The following SLC22A23 variants were observed in gnomAD, a reference collection of about 807,000 sequenced individuals.
SLC22A23 encodes ion transporter protein.
Under a neutral mutation model 61.0 loss-of-function variants are expected in SLC22A23, and 26 were observed. The observed-to-expected ratio is 0.43, with a 90% CI of 0.31 to 0.59. The LOEUF (loss-of-function observed/expected upper bound fraction) is 0.59, where lower values mean the gene tolerates loss of function less well. Ranked by LOEUF, SLC22A23 falls within the 20% of genes least tolerant of loss-of-function variation. The pLI is 0.11. For synonymous variants in SLC22A23, 430 were observed against 413.9 expected (o/e 1.04, Z -0.47); for missense variants, 796 against 934.7 (o/e 0.85, Z 1.94).
chr6:3,281,406 G>A (rs1212267647), intron 9 of SLC22A23, among the ~76,000 whole-genome samples: 1 of 152,214 alleles, frequency 6.6e-6, no homozygotes, highest in African/African-American at 2.4e-5. Context: ...ATAGATTTCT[G>A]CAGGCCTTTG....
chr6:3,454,619 C>T lies in SLC22A23; in HGVS notation c.654+1287G>A, dbSNP rs566916505. ...TGAAGGGAAAACAGTCACAGAAACA[C>T]CTTTAGAAAGCAGGGGGTAGGAGGT... On this transcript the variant is annotated intron_variant, in intron 1 of 9. Transcript: ENST00000406686. The surrounding 1 kb of genome is among the most constrained non-coding windows in gnomAD (Gnocchi z 4.3). Among the ~76,000 whole-genome samples, 748 of 152,248 alleles carry T rather than the reference C, an allele frequency of 4.9e-3. 1 individual carries two copies. Among genetic ancestry groups the T allele is most frequent in the Non-Finnish European group, 6.9e-3 (470 of 68,034 alleles).
chr6:3,404,057 TA>T (rs1341744396), intron 3 of SLC22A23, among the ~76,000 whole-genome samples: 1 of 152,218 alleles, frequency 6.6e-6, no homozygotes, highest in Non-Finnish European at 1.5e-5. Context: ...ACAGACACAC[TA>T]CTGAAATTCC....
At position 3,342,520 on chromosome 6, in the gene SLC22A23, C is replaced by T. The variant is rs1461239777; in HGVS notation, c.914-18518G>A. 1.3e-5 allele frequency among the ~76,000 whole-genome samples: 2 copies of T among 152,140 alleles called. No individual in the cohort carries two copies. Among genetic ancestry groups the T allele is most frequent in the East Asian group, 3.9e-4 (2 of 5,188 alleles). ...AAACAGTGCTTCTCAAAGGTGGGGC[C>T]TCCTTGACCCACAGCATCAGAGTCC... is the stretch of plus-strand genomic sequence containing the variant. On this transcript the variant is annotated intron_variant, in intron 3 of 9. Transcript: ENST00000406686. The surrounding 1 kb of genome is among the most constrained non-coding windows in gnomAD (Gnocchi z 4.0).
rs1005566829 is a variant in SLC22A23 at position 3,328,087 on chromosome 6, A to G, written c.914-4085T>C. Among the ~76,000 whole-genome samples, 1 of 151,892 alleles carries G rather than the reference A, an allele frequency of 6.6e-6. No homozygotes were observed. Among genetic ancestry groups the G allele is most frequent in the Admixed American group, 6.6e-5 (1 of 15,210 alleles). ...GGTGAGATCCTGTCTCTAAAAAACA[A>G]CCAACCAAACAAACAACCGTTACTT... On this transcript the variant is annotated intron_variant, in intron 3 of 9. Coordinates refer to ENST00000406686, the MANE Select transcript of SLC22A23 (RefSeq NM_015482.2). This position sits in a 1 kb window ranked among gnomAD's most constrained non-coding sequence, Gnocchi z 5.0.
At chr6:3,455,809 A>G in intron 1 of SLC22A23, 97 bp downstream of exon 1, 1 of 1,391,646 alleles carries the variant, frequency 7.2e-7, no homozygotes, top group Non-Finnish European at 9.5e-7. Context: ...ACACTCTAGC[A>G]CCACCACTTT....
chr6:3,270,858 G>A lies in SLC22A23; in HGVS notation c.*2197C>T, dbSNP rs972184859. Reference sequence around the variant, plus strand: ...TCCAAAAAAAAAAAAAAGTTTACACGACCAGTGAGACTGCTCGCAACTTTC... The same window carrying A: ...TCCAAAAAAAAAAAAAAGTTTACACAACCAGTGAGACTGCTCGCAACTTTC... On this transcript the variant is annotated 3_prime_UTR_variant, in exon 10 of 10. Coordinates refer to ENST00000406686, the MANE Select transcript of SLC22A23 (RefSeq NM_015482.2). The A allele has an allele frequency of 1.3e-5, 2 of 151,696 alleles. No individual in the cohort carries two copies. The highest frequency in any genetic ancestry group is 1.9e-4 in the East Asian group (1 of 5,298). The allele number at this position is 151,696 out of a possible 1,614,324, so 9.4% of individuals were successfully genotyped here.
chr6:3,339,686 C>A (rs374856619), intron 3 of SLC22A23, among the ~76,000 whole-genome samples: 63 of 152,298 alleles, frequency 4.1e-4, no homozygotes, highest in African/African-American at 1.5e-3. Context: ...CCCAGCAGCG[C>A]CATGACGGTT....
chr6:3,284,059 G>T (rs1759738893), intron 8 of SLC22A23, 84 bp from the exon 9 acceptor site: 1 of 1,393,150 alleles, frequency 7.2e-7, no homozygotes, highest in East Asian at 2.4e-5. Context: ...GCACAGCACA[G>T]CTCCTTCCCA....
rs1426461267 is a variant in SLC22A23, at chr6:3,308,251, C to T, written c.1083-10033G>A. 6.6e-6 allele frequency among the ~76,000 whole-genome samples: 1 copy of T among 152,188 alleles called. No individual in the cohort carries two copies. The highest frequency in any genetic ancestry group is 2.4e-5 in the African/African-American group (1 of 41,432). Reference sequence around the variant, plus strand: ...AAGACGAAAGCCCCCCCATACCGCTCACCCCAATCCCAGTGCCCCTGCACT... The same window carrying T: ...AAGACGAAAGCCCCCCCATACCGCTTACCCCAATCCCAGTGCCCCTGCACT... On this transcript the variant is annotated intron_variant, in intron 4 of 9. Transcript: ENST00000406686. The surrounding 1 kb of genome is among the most constrained non-coding windows in gnomAD (Gnocchi z 5.1).
chr6:3,289,310 G>A (rs1289654349), intron 6 of SLC22A23, among the ~76,000 whole-genome samples: 1 of 152,264 alleles, frequency 6.6e-6, no homozygotes, highest in Non-Finnish European at 1.5e-5. Flanking sequence ...CCTGGCTCAG[G>A]CCCACCTGCC....
Position 3,343,142 on chromosome 6 carries a change from G to A in SLC22A23, c.914-19140C>T, listed in dbSNP as rs146399857. On this transcript the variant is annotated intron_variant, in intron 3 of 9. Transcript: ENST00000406686. ...AAGCTCTGTTTCTAGGTAGATGGGG[G>A]AGTTCCGACAAAGCTGCGTCCTGCA... Among the ~76,000 whole-genome samples, 334 of 152,306 alleles carry A rather than the reference G, an allele frequency of 2.2e-3. 1 individual carries two copies. Among genetic ancestry groups the A allele is most frequent in the Non-Finnish European group, 3.7e-3 (254 of 68,030 alleles).
At chr6:3,332,030 A>G (rs1481454968) in intron 3 of SLC22A23, among the ~76,000 whole-genome samples, 2 of 152,216 alleles carry the variant, frequency 1.3e-5, no homozygotes, top group Non-Finnish European at 2.9e-5. Context: ...ATACGCAGTG[A>G]GTGACCATGT....
chr6:3,381,918 T>C lies in SLC22A23; in HGVS notation c.913+28270A>G, dbSNP rs113044480. Among the ~76,000 whole-genome samples, 69 of 152,272 alleles carry C rather than the reference T, an allele frequency of 4.5e-4. 2 individuals are homozygous for C. The highest frequency in any genetic ancestry group is 1.6e-3 in the African/African-American group (67 of 41,566). On this transcript the variant is annotated intron_variant, in intron 3 of 9. Transcript: ENST00000406686. Reference sequence around the variant, plus strand: ...CACCCTGCTTAAAGAATGAGAAGACTATGAGTGACCCAGATTCCCATCTGT... The same window carrying C: ...CACCCTGCTTAAAGAATGAGAAGACCATGAGTGACCCAGATTCCCATCTGT...
At chr6:3,298,875 G>A (rs1002838489) in intron 4 of SLC22A23, among the ~76,000 whole-genome samples, 4 of 151,088 alleles carry the variant, frequency 2.6e-5, no homozygotes, top group Admixed American at 6.6e-5. Flanking sequence ...GGGAGGCTGA[G>A]GCAGGAGAAT....
intron 9 of SLC22A23, chr6:3,276,783 A>G (rs6919570): frequency 0.081 from 12,338 of 152,294 alleles, 572 homozygotes; most frequent in Middle Eastern, 0.13. Flanking sequence ...AGACTGGGGC[A>G]TCAGCCATTA....
chr6:3,289,106 A>C (rs1237345018), intron 6 of SLC22A23, among the ~76,000 whole-genome samples: 1 of 152,226 alleles, frequency 6.6e-6, no homozygotes, highest in East Asian at 1.9e-4. Flanking sequence ...GTGACCTCTG[A>C]CCCTGAACAA....
rs1346410651 is a variant in SLC22A23, at chr6:3,329,745, C to A, written c.914-5743G>T. 6.6e-6 allele frequency among the ~76,000 whole-genome samples: 1 copy of A among 152,164 alleles called. No individual in the cohort carries two copies. Among genetic ancestry groups the A allele is most frequent in the Non-Finnish European group, 1.5e-5 (1 of 68,028 alleles). The stretch of plus-strand genomic sequence containing the variant: ...CGAGCGCACCTGGCTCATACTGAAG[C>A]CACGGAAGGCTTCCTATGTGTCGCT... On this transcript the variant is annotated intron_variant, in intron 3 of 9. Coordinates refer to ENST00000406686, the MANE Select transcript of SLC22A23 (RefSeq NM_015482.2). The surrounding 1 kb of genome is among the most constrained non-coding windows in gnomAD (Gnocchi z 4.8).
At chr6:3,394,001 C>A (rs1466630160) in intron 3 of SLC22A23, among the ~76,000 whole-genome samples, 1 of 152,070 alleles carries the variant, frequency 6.6e-6, no homozygotes, top group Non-Finnish European at 1.5e-5. Context: ...AGGAAAAATG[C>A]CAAAAAGGAG....
rs1037535863 is a variant in SLC22A23 at position 3,333,879 on chromosome 6, C to T, written c.914-9877G>A. ...AGCTGTGCAGTAATTCTGATGCTGG[C>T]TCCAGCTGAAGAACCACTGCAGTAT... On this transcript the variant is annotated intron_variant, in intron 3 of 9. Transcript: ENST00000406686. The surrounding 1 kb of genome is among the most constrained non-coding windows in gnomAD (Gnocchi z 4.1). Among the ~76,000 whole-genome samples, 5 of 152,216 alleles carry T rather than the reference C, an allele frequency of 3.3e-5. No individual in the cohort carries two copies. The highest frequency in any genetic ancestry group is 5.9e-5 in the Non-Finnish European group (4 of 68,052).
Sources: gnomAD v4.1 joint callset for allele counts (sites outside exome capture counted in the v4.1 genomes callset) on GRCh38, gnomAD v4.1.1 for gene constraint, Gnocchi (gnomAD v3.1) non-coding constraint, MANE v1.5 for transcripts, NCBI Gene and HGNC (gene_info 2026-07-23, HGNC 2026-07-21) for gene names.